The following GPR39 variants were observed in gnomAD, a reference collection of about 807,000 sequenced individuals.
GPR39 encodes zinc sensing receptor.
Under a neutral mutation model 18.4 loss-of-function variants are expected in GPR39, and 23 were observed. The ratio of observed to expected loss-of-function variants is 1.25; its 90% CI spans 0.90 to 1.77. GPR39 has a LOEUF of 1.77. GPR39 is among the 40% of genes most tolerant of loss of function. The pLI is 0.00. For synonymous variants in GPR39, 280 were observed against 257.9 expected (o/e 1.09, Z -0.82); for missense variants, 647 against 602.4 (o/e 1.07, Z -0.78).
intron 1 of GPR39, among the ~76,000 whole-genome samples, chr2:132,526,660 C>G (rs1354818528): frequency 1.3e-5 from 2 of 152,204 alleles, no homozygotes; most frequent in Non-Finnish European, 2.9e-5. Context: ...CCCCGGAGCA[C>G]CTGCATACTC....
chr2:132,626,764 G>A (rs550254175), intron 1 of GPR39, among the ~76,000 whole-genome samples: 2 of 152,204 alleles, frequency 1.3e-5, no homozygotes, highest in African/African-American at 4.8e-5. Flanking sequence ...CAACCTCCCC[G>A]CAGGCCACTA....
At chr2:132,455,395 G>A (rs1211070681) in intron 1 of GPR39, among the ~76,000 whole-genome samples, 1 of 152,054 alleles carries the variant, frequency 6.6e-6, no homozygotes, top group African/African-American at 2.4e-5. Flanking sequence ...AGTCTTGCTA[G>A]TGGTCTATCA....
chr2:132,456,703 G>T (rs557318838), intron 1 of GPR39, among the ~76,000 whole-genome samples: 56 of 152,272 alleles, frequency 3.7e-4, no homozygotes, highest in African/African-American at 1.3e-3. Flanking sequence ...GCATTTGCTT[G>T]TCTGTAAAGG....
intron 1 of GPR39, among the ~76,000 whole-genome samples, chr2:132,491,500 A>G (rs1681459825): frequency 6.6e-6 from 1 of 152,028 alleles, no homozygotes; most frequent in Non-Finnish European, 1.5e-5. Context: ...CTGGGATACA[A>G]TAGAAGTGTG....
chr2:132,428,418 T>A (rs1036505033), intron 1 of GPR39, among the ~76,000 whole-genome samples: 7 of 152,212 alleles, frequency 4.6e-5, no homozygotes, highest in African/African-American at 1.7e-4. Context: ...ATGTACCACT[T>A]GATGCAGGGT....
At chr2:132,593,230 G>A (rs947298205) in intron 1 of GPR39, among the ~76,000 whole-genome samples, 3 of 152,094 alleles carry the variant, frequency 2.0e-5, no homozygotes, top group African/African-American at 7.2e-5. Context: ...GTGTTCACTG[G>A]CATTTCACTA....
chr2:132,605,591 G>T (rs998430717), intron 1 of GPR39, among the ~76,000 whole-genome samples: 2 of 152,144 alleles, frequency 1.3e-5, no homozygotes, highest in African/African-American at 4.8e-5. Flanking sequence ...ATGGGTGCCC[G>T]CAGGAATCTC....
At chr2:132,502,096 G>A (rs1056290787) in intron 1 of GPR39, among the ~76,000 whole-genome samples, 1 of 152,124 alleles carries the variant, frequency 6.6e-6, no homozygotes, top group Non-Finnish European at 1.5e-5. Context: ...ATTGAGATGT[G>A]AGGTACTATT....
At chr2:132,585,652 A>T (rs1417903871) in intron 1 of GPR39, among the ~76,000 whole-genome samples, 1 of 151,330 alleles carries the variant, frequency 6.6e-6, no homozygotes, top group Admixed American at 6.6e-5. Context: ...TGGCGTGGGG[A>T]GGTCAGCTGG....
At chr2:132,626,055 G>T (rs187432725) in intron 1 of GPR39, among the ~76,000 whole-genome samples, 1 of 150,478 alleles carries the variant, frequency 6.6e-6, no homozygotes, top group Non-Finnish European at 1.5e-5. Flanking sequence ...AGCCGAGACC[G>T]CACCACTGCA....
intron 1 of GPR39, among the ~76,000 whole-genome samples, chr2:132,636,418 G>C (rs1251453509): frequency 6.6e-6 from 1 of 152,150 alleles, no homozygotes; most frequent in Non-Finnish European, 1.5e-5. Flanking sequence ...CTCAGGAAAG[G>C]AGACAGTGGG....
intron 1 of GPR39, among the ~76,000 whole-genome samples, chr2:132,496,827 G>C (rs1319597248): frequency 6.6e-6 from 1 of 152,198 alleles, no homozygotes; most frequent in Non-Finnish European, 1.5e-5. Flanking sequence ...TAGCAGCCTT[G>C]ATGCATCGGA....
intron 1 of GPR39, among the ~76,000 whole-genome samples, chr2:132,464,434 A>G (rs901005676): frequency 1.3e-5 from 2 of 152,216 alleles, no homozygotes; most frequent in South Asian, 4.1e-4. Flanking sequence ...TGCCTAGACT[A>G]TTTGTACAAA....
chr2:132,559,096 T>G (rs1171394985), intron 1 of GPR39, among the ~76,000 whole-genome samples: 1 of 152,230 alleles, frequency 6.6e-6, no homozygotes, highest in African/African-American at 2.4e-5. Context: ...GCGTTCATGC[T>G]CGGAATCAAA....
chr2:132,558,560 C>T (rs774354740), intron 1 of GPR39, among the ~76,000 whole-genome samples: 6 of 152,208 alleles, frequency 3.9e-5, no homozygotes, highest in Middle Eastern at 3.4e-3. Context: ...CTGGGGGCAC[C>T]GGGAAGCATT....
intron 1 of GPR39, among the ~76,000 whole-genome samples, chr2:132,542,210 G>T (rs1445512478): frequency 1.3e-5 from 2 of 152,118 alleles, no homozygotes; most frequent in African/African-American, 4.8e-5. Flanking sequence ...CCAAAAATAG[G>T]GCCTGGAATA....
chr2:132,468,824 G>A (rs1345527433), intron 1 of GPR39, among the ~76,000 whole-genome samples: 1 of 152,178 alleles, frequency 6.6e-6, no homozygotes, highest in African/African-American at 2.4e-5. Flanking sequence ...GGAAAAAGGG[G>A]ACAGATGAGA....
At chr2:132,557,495 A>AGT (rs1680173748) in intron 1 of GPR39, among the ~76,000 whole-genome samples, 1 of 152,128 alleles carries the variant, frequency 6.6e-6, no homozygotes, top group Admixed American at 6.5e-5. Flanking sequence ...AATGCCAGAG[A>AGT]GTGGGTCATT....
rs186917554 is a variant in GPR39, at chr2:132,614,694, G to A, written c.857-30407G>A. ...GCCTCCCAAGTAGCTGAGATTACAG[G>A]CGCATGCCACCACACCAGGCTAATT... On this transcript the variant is annotated intron_variant, in intron 1 of 1. Coordinates refer to ENST00000329321, the MANE Select transcript of GPR39 (RefSeq NM_001508.3). Among the ~76,000 whole-genome samples the A allele has an allele frequency of 1.1e-3, 161 of 152,196 alleles. 1 individual carries two copies. The highest frequency in any genetic ancestry group is 3.5e-3 in the African/African-American group (147 of 41,506).
Sources: gnomAD v4.1 joint callset for allele counts (sites outside exome capture counted in the v4.1 genomes callset) on GRCh38, gnomAD v4.1.1 for gene constraint, MANE v1.5 for transcripts, NCBI Gene and HGNC (gene_info 2026-07-23, HGNC 2026-07-21) for gene names.